The following MCM2 variants were observed in gnomAD, a reference collection of about 807,000 sequenced individuals.
MCM2 encodes the protein minichromosome maintenance complex component 2, also known as DNA replication licensing factor MCM2.
Under a neutral mutation model 86.4 loss-of-function variants are expected in MCM2, and 49 were observed. That is an observed-to-expected ratio of 0.57 (90% CI 0.45 to 0.72). The LOEUF (loss-of-function observed/expected upper bound fraction) is 0.72. Among genes scored for constraint, MCM2 ranks in the 30% least tolerant of loss-of-function variants. The pLI, the probability that MCM2 is intolerant of heterozygous loss-of-function variation, is 0.00. For synonymous variants in MCM2, 475 were observed against 484.6 expected (o/e 0.98, Z 0.26); for missense variants, 1,038 against 1,259.9 (o/e 0.82, Z 2.67).
Position 127,619,250 on chromosome 3 carries a change from T to C in MCM2, c.2237T>C (p.Met746Thr). ...NQMDQDKVAK[M>T]YSDLRKESMA... ...ATGGACCAGGACAAGGTGGCCAAGA[T>C]GTACAGTGACCTGAGGAAAGAATCT... The change falls in exon 13 of 16, where the codon ATG becomes ACG. Residue 746 changes from methionine (M) to threonine (T), a missense_variant. Transcript: ENST00000265056. 6.2e-7 allele frequency: 1 copy of C among 1,614,006 alleles called. No individual in the cohort carries two copies. Among genetic ancestry groups the C allele is most frequent in the African/African-American group, 1.3e-5 (1 of 75,018 alleles).
At chr3:127,611,415 T>G (rs2074393779) in intron 8 of MCM2, among the ~76,000 whole-genome samples, 1 of 152,186 alleles carries the variant, frequency 6.6e-6, no homozygotes, top group African/African-American at 2.4e-5. Context: ...ATTGAAGAGG[T>G]GAGAGACCCA....
intron 2 of MCM2, among the ~76,000 whole-genome samples, chr3:127,601,551 G>T (rs182333288): frequency 6.6e-6 from 1 of 152,130 alleles, no homozygotes; most frequent in African/African-American, 2.4e-5. Context: ...GTAGAGATGC[G>T]GTTTCGGTTT....
At position 127,608,429 on chromosome 3, in the gene MCM2, C is replaced by T. The variant is rs2074366548; in HGVS notation, c.1149C>T (p.Gly383=). ...YQRIRIQESP[G]KVAAGRLPRS... ...GTATCCGAATCCAGGAGAGTCCAGG[C>T]AAAGTGGCGGCTGGCCGGCTGCCCC... The change falls in exon 7 of 16, where the codon GGC becomes GGT. Residue 383 remains glycine, a synonymous_variant. Coordinates refer to ENST00000265056, the MANE Select transcript of MCM2 (RefSeq NM_004526.4). 1 of 1,614,118 alleles carries T rather than the reference C, an allele frequency of 6.2e-7. No individual in the cohort carries two copies. The highest frequency in any genetic ancestry group is 1.3e-5 in the African/African-American group (1 of 74,946).
intron 13 of MCM2, among the ~76,000 whole-genome samples, chr3:127,619,550 A>G (rs1055513384): frequency 6.6e-6 from 1 of 152,140 alleles, no homozygotes; most frequent in Non-Finnish European, 1.5e-5. Flanking sequence ...GTGGTGGCAC[A>G]TGCCTGTAAT....
chr3:127,599,956 A>C (rs1178191702), intron 2 of MCM2, among the ~76,000 whole-genome samples: 1 of 152,196 alleles, frequency 6.6e-6, no homozygotes, highest in Non-Finnish European at 1.5e-5. Flanking sequence ...TATTGTACCT[A>C]ATGTGCACCA....
chr3:127,619,141 T>C lies in MCM2; in HGVS notation c.2128T>C (p.Tyr710His). 6.2e-7 allele frequency: 1 copy of C among 1,614,050 alleles called. No homozygotes were observed. Among genetic ancestry groups the C allele is most frequent in the Non-Finnish European group, 8.5e-7 (1 of 1,180,020 alleles). Residue 710 changes from tyrosine to histidine, a missense_variant, in exon 13 of 16, where the codon TAT becomes CAT. Physicochemically the swap from Tyr to His is moderately conservative, Grantham distance 83. Transcript: ENST00000265056. Reference protein sequence around the residue: ...SAAEPAMPNTYGVEPLPQEVL... With the variant: ...SAAEPAMPNTHGVEPLPQEVL... ...TGCTGAGCCCGCCATGCCCAACACG[T>C]ATGGCGTGGAGCCCCTGCCCCAGGA...
intron 7 of MCM2, 25 bp from the exon 8 acceptor site, chr3:127,608,807 C>T: frequency 6.2e-7 from 1 of 1,611,854 alleles, no homozygotes; most frequent in Non-Finnish European, 8.5e-7. Context: ...TAGGCTCTGA[C>T]TTCTTGGCCC....
At chr3:127,605,980 C>G (rs1320164266) in intron 4 of MCM2, 138 bp from the exon 5 acceptor site, 6 of 661,262 alleles carry the variant, frequency 9.1e-6, no homozygotes, top group South Asian at 1.8e-5. Context: ...GTGTGGTAGA[C>G]CTAGAAGTGA....
At position 127,608,528 on chromosome 3, in the gene MCM2, G is replaced by A. The variant is rs763672863; in HGVS notation, c.1236+12G>A. On this transcript the variant is annotated intron_variant, in intron 7 of 15. Coordinates refer to ENST00000265056, the MANE Select transcript of MCM2 (RefSeq NM_004526.4). The stretch of plus-strand genomic sequence containing the variant: ...CAGGAGACGAGATAGTAAGTGGCCG[G>A]GGCAGGCTGGGAGGGAGCCAAGTTG... 3.1e-6 allele frequency: 5 copies of A among 1,613,950 alleles called. No individual in the cohort carries two copies. The highest frequency in any genetic ancestry group is 1.7e-4 in the Middle Eastern group (1 of 6,060).
intron 13 of MCM2, 127 bp downstream of exon 13, chr3:127,619,405 A>C: frequency 8.1e-7 from 1 of 1,230,380 alleles, no homozygotes. Flanking sequence ...GGCATTAAAA[A>C]AAAAATGTAG....
In MCM2 at chr3:127,618,511, C is replaced by T. The variant is rs771375510; in HGVS notation, c.2013+430C>T. On this transcript the variant is annotated intron_variant, in intron 12 of 15. Transcript: ENST00000265056. This position sits in a 1 kb window ranked among gnomAD's most constrained non-coding sequence, Gnocchi z 4.0. ...GAATCCAGGGTCCTCCCCTCCGGCC[C>T]GCACCCGCCATCTCTGCAGCTACCT... Among the ~76,000 whole-genome samples the T allele has an allele frequency of 2.6e-5, 4 of 152,150 alleles. No homozygotes were observed. Among genetic ancestry groups the T allele is most frequent in the Admixed American group, 6.5e-5 (1 of 15,278 alleles).
intron 8 of MCM2, among the ~76,000 whole-genome samples, chr3:127,610,185 T>C (rs2074384169): frequency 6.6e-6 from 1 of 152,186 alleles, no homozygotes; most frequent in South Asian, 2.1e-4. Flanking sequence ...CAGAGCAGTT[T>C]AGTTCGCCCT....
intron 8 of MCM2, chr3:127,610,861 G>A (rs563154343): frequency 7.0e-5 from 32 of 456,620 alleles, no homozygotes; most frequent in Admixed American, 1.6e-4. Flanking sequence ...CCTAGTCTGC[G>A]AAGATCTGGG....
chr3:127,611,910 G>A lies in MCM2; in HGVS notation c.1428+2887G>A, dbSNP rs550027538. Among the ~76,000 whole-genome samples, 338 of 144,124 alleles carry A rather than the reference G, an allele frequency of 2.3e-3. 12 individuals are homozygous for A. Among genetic ancestry groups the A allele is most frequent in the African/African-American group, 9.0e-3 (315 of 34,896 alleles). The allele number at this position is 144,124 out of a possible 152,430, so 94.6% of individuals were successfully genotyped here. ...GAGACGGGGTTTCACCGTTTTAGCC[G>A]GGATGGTCTCGATCTCCTGACCTCG... On this transcript the variant is annotated intron_variant, in intron 8 of 15. Transcript: ENST00000265056.
intron 8 of MCM2, among the ~76,000 whole-genome samples, chr3:127,609,464 A>T (rs2074376265): frequency 1.3e-5 from 2 of 152,002 alleles, no homozygotes; most frequent in Non-Finnish European, 2.9e-5. Flanking sequence ...ACAACCCAGA[A>T]TGGTGGTGTT....
rs199907942 is a variant in MCM2 at position 127,619,140 on chromosome 3, G to A, written c.2127G>A (p.Thr709=). The change falls in exon 13 of 16, where the codon ACG becomes ACA. Residue 709 remains threonine, a synonymous_variant. Transcript: ENST00000265056. ...CTGCTGAGCCCGCCATGCCCAACAC[G>A]TATGGCGTGGAGCCCCTGCCCCAGG... is the stretch of plus-strand genomic sequence containing the variant. ...GSAAEPAMPN[T]YGVEPLPQEV... 1.9e-4 allele frequency: 301 copies of A among 1,614,024 alleles called. 2 individuals are homozygous for A. In the Middle Eastern group the frequency reaches 2.5e-3, roughly 13 times the overall value.
intron 4 of MCM2, 39 bp downstream of exon 4, chr3:127,605,195 G>A (rs375166800): frequency 1.4e-5 from 22 of 1,597,244 alleles, no homozygotes; most frequent in African/African-American, 5.4e-5. Flanking sequence ...CCCCTGTAGC[G>A]CCTCCCTAAA....
At chr3:127,605,892 C>T (rs986006313) in intron 4 of MCM2, among the ~76,000 whole-genome samples, 4 of 152,180 alleles carry the variant, frequency 2.6e-5, no homozygotes, top group Non-Finnish European at 2.9e-5. Context: ...AATTTAACCC[C>T]CCAGCAACTT....
chr3:127,615,635 G>A (rs1414847160), intron 8 of MCM2, among the ~76,000 whole-genome samples: 3 of 152,220 alleles, frequency 2.0e-5, no homozygotes, highest in Non-Finnish European at 4.4e-5. Flanking sequence ...GGGTTCAGAT[G>A]AAGGTTCTTC....
Sources: allele counts gnomAD v4.1 joint callset (sites outside exome capture counted in the v4.1 genomes callset), GRCh38; gene constraint gnomAD v4.1.1; non-coding constraint Gnocchi (gnomAD v3.1); transcripts MANE v1.5; gene names NCBI Gene and HGNC (gene_info 2026-07-23, HGNC 2026-07-21).